Variants in ALG1L2 observed in about 807,000 individuals in gnomAD.
ALG1L2 encodes ALG1 chitobiosyldiphosphodolichol beta-mannosyltransferase like 2.
ALG1L2 carries 32 observed loss-of-function variants against 29.0 expected under a neutral mutation model. The ratio of observed to expected loss-of-function variants is 1.10; its 90% CI spans 0.83 to 1.48. ALG1L2 has a LOEUF of 1.48. Among genes scored for constraint, ALG1L2 ranks in the 40% most tolerant of loss-of-function variants. The pLI, the probability that ALG1L2 is intolerant of heterozygous loss-of-function variation, is 0.00. For synonymous variants in ALG1L2, 110 were observed against 109.5 expected (o/e 1.00, Z -0.03); for missense variants, 318 against 274.1 (o/e 1.16, Z -1.13).
intron 5 of ALG1L2, among the ~76,000 whole-genome samples, chr3:130,095,727 G>C (rs1163629668): frequency 6.6e-6 from 1 of 152,076 alleles, no homozygotes; most frequent in Admixed American, 6.5e-5. Flanking sequence ...CAGGTGGGAG[G>C]TGAACCTGGG....
At chr3:130,091,452 C>T (rs1935011721) in intron 2 of ALG1L2, 81 bp downstream of exon 2, 1 of 1,421,914 alleles carries the variant, frequency 7.0e-7, no homozygotes, top group African/African-American at 1.4e-5. Flanking sequence ...GACCTGGGAA[C>T]CCACTCATCC....
intron 7 of ALG1L2, 74 bp downstream of exon 7, chr3:130,097,324 T>G (rs971064537): frequency 6.3e-7 from 1 of 1,576,188 alleles, no homozygotes; most frequent in African/African-American, 1.3e-5. Flanking sequence ...CCCTGATCCC[T>G]GTTTCACACA....
At chr3:130,085,321 C>T (rs918045759) in intron 1 of ALG1L2, among the ~76,000 whole-genome samples, 2 of 123,208 alleles carry the variant, frequency 1.6e-5, no homozygotes, top group African/African-American at 5.9e-5. Flanking sequence ...GGTCTTGAAC[C>T]TTGGCCTCAA....
chr3:130,088,227 T>C (rs1478058022), intron 1 of ALG1L2, among the ~76,000 whole-genome samples: 1 of 152,290 alleles, frequency 6.6e-6, no homozygotes, highest in Non-Finnish European at 1.5e-5. Flanking sequence ...CAGTGGCCAA[T>C]ATGCATTCAA....
chr3:130,097,358 C>T, intron 7 of ALG1L2, 108 bp downstream of exon 7: 1 of 1,491,760 alleles, frequency 6.7e-7, no homozygotes, highest in Non-Finnish European at 8.9e-7. Context: ...CATGCGGGGT[C>T]TGGCGGAAAA....
At chr3:130,094,921 T>C (rs2108123377) in intron 5 of ALG1L2, among the ~76,000 whole-genome samples, 1 of 152,320 alleles carries the variant, frequency 6.6e-6, no homozygotes, top group South Asian at 2.1e-4. Context: ...TCTTTCCCCA[T>C]TGATTTCTCC....
At chr3:130,098,164 T>A (rs1935186226) in intron 7 of ALG1L2, 59 bp from the exon 8 acceptor site, 1 of 1,593,590 alleles carries the variant, frequency 6.3e-7, no homozygotes, top group African/African-American at 1.3e-5. Context: ...GCTGGGGTCA[T>A]CCAGGTGGTG....
At chr3:130,085,630 C>A (rs1340437487) in intron 1 of ALG1L2, among the ~76,000 whole-genome samples, 3 of 151,582 alleles carry the variant, frequency 2.0e-5, no homozygotes, top group African/African-American at 7.2e-5. Flanking sequence ...TGACTATCTC[C>A]AAATATGTCA....
chr3:130,085,631 A>AAG, intron 1 of ALG1L2, among the ~76,000 whole-genome samples: 2 of 151,482 alleles, frequency 1.3e-5, no homozygotes, highest in Non-Finnish European at 3.0e-5. Context: ...GACTATCTCC[A>AAG]AATATGTCAC....
Position 130,098,342 on chromosome 3 carries a change from T to G in ALG1L2, c.*87T>G, listed in dbSNP as rs1473438554. On this transcript the variant is annotated 3_prime_UTR_variant, in exon 8 of 8. Coordinates refer to ENST00000425059, the MANE Select transcript of ALG1L2 (RefSeq NM_001136152.1). The stretch of plus-strand genomic sequence containing the variant: ...GATGAGAGCTGGGTGCAGACTGTGC[T>G]CCCTTTGGTTATGGACACATAACTC... 17 of 1,596,234 alleles carry G rather than the reference T, an allele frequency of 1.1e-5. 1 individual carries two copies. The highest frequency in any genetic ancestry group is 1.4e-5 in the Non-Finnish European group (17 of 1,179,730).
intron 7 of ALG1L2, among the ~76,000 whole-genome samples, chr3:130,097,985 T>G (rs1473975629): frequency 1.3e-5 from 2 of 152,174 alleles, no homozygotes; most frequent in African/African-American, 4.8e-5. Context: ...ACGTACATCA[T>G]GTAGAGGCCG....
chr3:130,092,100 G>A lies in ALG1L2; in HGVS notation c.132-1G>A. The A allele has an allele frequency of 6.2e-7, 1 of 1,613,512 alleles. No homozygotes were observed. Among genetic ancestry groups the A allele is most frequent in the African/African-American group, 1.3e-5 (1 of 75,026 alleles). ...CACAGGGTTTTTTTCTGCTCCTTCA[G>A]CTCAGAACCTGAGGACCCAGACACA... is the stretch of plus-strand genomic sequence containing the variant. On this transcript the variant is annotated splice_acceptor_variant, in intron 2 of 7. Transcript: ENST00000425059. LOFTEE classifies it high-confidence loss of function.
At chr3:130,096,303 C>A in intron 6 of ALG1L2, 140 bp downstream of exon 6, 1 of 927,666 alleles carries the variant, frequency 1.1e-6, no homozygotes, top group Non-Finnish European at 1.6e-6. Context: ...CGAGGAGGAG[C>A]CCTGCGGTTA....
intron 2 of ALG1L2, chr3:130,091,699 GGC>G (rs1449863262): frequency 1.8e-6 from 1 of 541,296 alleles, no homozygotes; most frequent in African/African-American, 1.9e-5. Flanking sequence ...CCAGGCCTGT[GGC>G]AGGATCTGTG....
At chr3:130,087,058 T>C (rs1227382934) in intron 1 of ALG1L2, among the ~76,000 whole-genome samples, 1 of 149,882 alleles carries the variant, frequency 6.7e-6, no homozygotes, top group African/African-American at 2.4e-5. Context: ...CCTTGTTAGA[T>C]AAATGGCTAC....
At chr3:130,087,511 C>T (rs1326181541) in intron 1 of ALG1L2, among the ~76,000 whole-genome samples, 53 of 148,268 alleles carry the variant, frequency 3.6e-4, no homozygotes, top group Non-Finnish European at 7.0e-4. Flanking sequence ...ATTAGAAAAC[C>T]GTATTGTAGC....
intron 1 of ALG1L2, among the ~76,000 whole-genome samples, chr3:130,085,530 C>G (rs1934870880): frequency 6.7e-6 from 1 of 150,046 alleles, no homozygotes; most frequent in Admixed American, 6.7e-5. Context: ...AGCCACTGCA[C>G]CTGGCCAATT....
At position 130,092,132 on chromosome 3, in the gene ALG1L2, T is replaced by C; in HGVS notation, c.163T>C (p.Ser55Pro). ...ACCTGAGGACCCAGACACAGAGCGG[T>C]CGGCCTTCACGGAGCGGGATTCTGG... is the stretch of plus-strand genomic sequence containing the variant. ...SEPEDPDTER[S>P]AFTERDSGSG... is the part of the protein sequence containing the mutation. The change falls in exon 3 of 8, where the codon TCG becomes CCG. Residue 55 changes from serine to proline, a missense_variant. Ser to Pro is a moderately conservative substitution (Grantham distance 74). Transcript: ENST00000425059. 1.2e-6 allele frequency: 2 copies of C among 1,613,636 alleles called. No homozygotes were observed. The highest frequency in any genetic ancestry group is 1.3e-5 in the African/African-American group (1 of 75,016).
At chr3:130,090,373 T>G (rs1407476643) in intron 1 of ALG1L2, among the ~76,000 whole-genome samples, 3 of 152,276 alleles carry the variant, frequency 2.0e-5, no homozygotes, top group African/African-American at 4.8e-5. Flanking sequence ...AAGAAAGAAA[T>G]AAAAATAAAT....
Sources: allele counts gnomAD v4.1 joint callset (sites outside exome capture counted in the v4.1 genomes callset), GRCh38; gene constraint gnomAD v4.1.1; transcripts MANE v1.5; gene names NCBI Gene and HGNC (gene_info 2026-07-23, HGNC 2026-07-21).